Variants in CENPW observed in about 807,000 individuals in gnomAD.
The protein encoded by CENPW is cancer-up-regulated gene 2 protein.
In CENPW, 3 loss-of-function variants were observed where a neutral mutation model predicts 11.1. The observed-to-expected ratio is 0.27, with a 90% confidence interval of 0.12 to 0.70. The LOEUF (loss-of-function observed/expected upper bound fraction) is 0.70. Among genes scored for constraint, CENPW ranks in the 30% least tolerant of loss-of-function variants. The probability of loss-of-function intolerance (pLI) is 0.77; values close to 1 mark genes in which losing one functional copy is unlikely to be tolerated. For missense variants in CENPW, 100 were observed against 105.6 expected, an observed-to-expected ratio of 0.95 and a Z score of 0.23; for synonymous variants, 38 against 42.0, an observed-to-expected ratio of 0.91 and a Z score of 0.37.
chr6:126,377,883 A>C, the CENPW span, among the ~76,000 whole-genome samples: 1 of 137,566 alleles, frequency 7.3e-6, no homozygotes, highest in Non-Finnish European at 1.6e-5. Flanking sequence ...AACTAGAGGA[A>C]GTTTTGTGAA....
chr6:126,410,603 C>G, the CENPW span, among the ~76,000 whole-genome samples: 1 of 149,412 alleles, frequency 6.7e-6, no homozygotes, highest in South Asian at 2.1e-4. Flanking sequence ...ATCTTTTTTT[C>G]CTGTCTTCTG....
the CENPW span, among the ~76,000 whole-genome samples, chr6:126,456,090 A>C: frequency 1.3e-5 from 2 of 151,300 alleles, no homozygotes; most frequent in African/African-American, 4.8e-5. Context: ...ATCATTTTAT[A>C]CTCATGGATA....
the CENPW span, among the ~76,000 whole-genome samples, chr6:126,368,217 C>G: frequency 6.6e-6 from 1 of 152,110 alleles, no homozygotes; most frequent in Non-Finnish European, 1.5e-5. Context: ...AAATGAGAAA[C>G]AGGAAAAGGC....
At chr6:126,347,219 G>A (rs1277443304) in intron 2 of CENPW, among the ~76,000 whole-genome samples, 1 of 152,162 alleles carries the variant, frequency 6.6e-6, no homozygotes, top group Admixed American at 6.5e-5. Context: ...GGCAACCACA[G>A]TTGACTGGGG....
the CENPW span, among the ~76,000 whole-genome samples, chr6:126,410,768 G>A: frequency 6.6e-6 from 1 of 151,708 alleles, no homozygotes; most frequent in African/African-American, 2.4e-5. Context: ...TAAGTTTGCT[G>A]TTGGGGCTTT....
the CENPW span, among the ~76,000 whole-genome samples, chr6:126,425,296 G>T: frequency 6.6e-6 from 1 of 152,078 alleles, no homozygotes; most frequent in Non-Finnish European, 1.5e-5. Flanking sequence ...GACTTCAATT[G>T]AGGTCAAAGT....
chr6:126,383,332 A>G, the CENPW span, among the ~76,000 whole-genome samples: 1 of 152,210 alleles, frequency 6.6e-6, no homozygotes, highest in Non-Finnish European at 1.5e-5. Flanking sequence ...ACTTCAGTAC[A>G]TAGACCAGTG....
At chr6:126,468,175 T>A in the CENPW span, among the ~76,000 whole-genome samples, 62 of 152,006 alleles carry the variant, frequency 4.1e-4, no homozygotes, top group Non-Finnish European at 7.7e-4. Context: ...ATCCCAGCAC[T>A]TTGGGAGGCT....
chr6:126,393,544 G>A, the CENPW span, among the ~76,000 whole-genome samples: 13 of 151,028 alleles, frequency 8.6e-5, no homozygotes, highest in South Asian at 2.1e-4. Flanking sequence ...TGACTGACTC[G>A]TTTTCAGGAG....
At chr6:126,467,112 T>C in the CENPW span, among the ~76,000 whole-genome samples, 1 of 152,228 alleles carries the variant, frequency 6.6e-6, no homozygotes, top group East Asian at 1.9e-4. Flanking sequence ...CAACTACCAA[T>C]GACACTTTCC....
At chr6:126,432,357 C>T in the CENPW span, among the ~76,000 whole-genome samples, 2 of 152,182 alleles carry the variant, frequency 1.3e-5, no homozygotes, top group East Asian at 3.8e-4. Context: ...GGCTTATATC[C>T]TGTACCCTAC....
At chr6:126,400,820 G>A in the CENPW span, among the ~76,000 whole-genome samples, 1 of 151,768 alleles carries the variant, frequency 6.6e-6, no homozygotes, top group African/African-American at 2.4e-5. Flanking sequence ...ATCTACTGAT[G>A]AGCCCACTGA....
chr6:126,459,763 G>C, the CENPW span, among the ~76,000 whole-genome samples: 1 of 151,494 alleles, frequency 6.6e-6, no homozygotes, highest in African/African-American at 2.4e-5. Context: ...AGTATTAGAA[G>C]AGATCACTCA....
chr6:126,381,003 C>G, the CENPW span, among the ~76,000 whole-genome samples: 1 of 152,136 alleles, frequency 6.6e-6, no homozygotes, highest in African/African-American at 2.4e-5. Flanking sequence ...GAACCTCCCA[C>G]CCTTGATATC....
the CENPW span, among the ~76,000 whole-genome samples, chr6:126,394,668 C>G: frequency 4.6e-5 from 7 of 152,052 alleles, no homozygotes; most frequent in Non-Finnish European, 1.0e-4. Flanking sequence ...TATTAACATC[C>G]TTTTCCTTCA....
chr6:126,475,409 A>T, the CENPW span, among the ~76,000 whole-genome samples: 2,439 of 151,064 alleles, frequency 0.016, 87 homozygotes, highest in Admixed American at 0.081. Context: ...AAATTTTTTT[A>T]AAAAAAATTT....
At chr6:126,394,761 T>G in the CENPW span, among the ~76,000 whole-genome samples, 6 of 152,238 alleles carry the variant, frequency 3.9e-5, no homozygotes, top group East Asian at 1.2e-3. Flanking sequence ...TCTGGGAAAG[T>G]CTTTATTTCT....
At chr6:126,462,298 A>G in the CENPW span, among the ~76,000 whole-genome samples, 1 of 151,956 alleles carries the variant, frequency 6.6e-6, no homozygotes, top group Non-Finnish European at 1.5e-5. Flanking sequence ...CACTTTACTT[A>G]TGTAACTTAT....
At chr6:126,403,270 G>T in the CENPW span, among the ~76,000 whole-genome samples, 1 of 152,064 alleles carries the variant, frequency 6.6e-6, no homozygotes, top group African/African-American at 2.4e-5. Flanking sequence ...AGGAGAAGTT[G>T]CATATCTCTC....
Sources: allele counts gnomAD v4.1 joint callset (sites outside exome capture counted in the v4.1 genomes callset), GRCh38; gene constraint gnomAD v4.1.1; transcripts MANE v1.5; gene names NCBI Gene and HGNC (gene_info 2026-07-23, HGNC 2026-07-21).